PTPRG: variants seen among roughly 807,000 people sequenced by gnomAD.
PTPRG encodes protein tyrosine phosphatase receptor type G.
Under a neutral mutation model 165.3 loss-of-function variants are expected in PTPRG, and 102 were observed. That is an observed-to-expected ratio of 0.62 (90% CI 0.53 to 0.73). The LOEUF is 0.73. Ranked by LOEUF, PTPRG falls within the 30% of genes least tolerant of loss-of-function variation. The pLI is 0.00. For missense variants in PTPRG, 1,866 were observed against 1,861.4 expected (o/e 1.00, Z -0.05); for synonymous variants, 675 against 669.5 (o/e 1.01, Z -0.13).
intron 2 of PTPRG, among the ~76,000 whole-genome samples, chr3:61,895,572 C>T (rs2038334098): frequency 1.3e-5 from 2 of 152,188 alleles, no homozygotes; most frequent in African/African-American, 4.8e-5. Context: ...TGTCTTAAGA[C>T]AGAGTAGGCC....
chr3:62,018,992 A>G (rs2041617641), intron 4 of PTPRG, among the ~76,000 whole-genome samples: 1 of 152,194 alleles, frequency 6.6e-6, no homozygotes, highest in Admixed American at 6.5e-5. Flanking sequence ...AGAAGAAGGA[A>G]TCAACTTGGT....
intron 12 of PTPRG, among the ~76,000 whole-genome samples, chr3:62,204,305 A>G (rs1368320292): frequency 2.0e-5 from 3 of 152,194 alleles, no homozygotes; most frequent in African/African-American, 7.2e-5. Flanking sequence ...TAATGTATCT[A>G]CAAATGGCTA....
intron 4 of PTPRG, among the ~76,000 whole-genome samples, 178 bp from the exon 5 acceptor site, chr3:62,077,985 G>A (rs189763325): frequency 1.4e-5 from 2 of 138,678 alleles, no homozygotes; most frequent in East Asian, 4.2e-4. Flanking sequence ...GCAACAGAGC[G>A]AGACCTTATC....
chr3:61,614,100 C>T (rs1701245987), intron 1 of PTPRG, among the ~76,000 whole-genome samples: 2 of 152,180 alleles, frequency 1.3e-5, no homozygotes, highest in African/African-American at 4.8e-5. Context: ...AATCCAAACT[C>T]TCACCCATGG....
At chr3:61,651,112 G>A (rs563919818) in intron 1 of PTPRG, among the ~76,000 whole-genome samples, 1 of 149,092 alleles carries the variant, frequency 6.7e-6, no homozygotes, top group Non-Finnish European at 1.5e-5. Flanking sequence ...TCAATTACAC[G>A]ATGTATTTGG....
intron 2 of PTPRG, among the ~76,000 whole-genome samples, chr3:61,759,170 T>A (rs1311829986): frequency 1.3e-5 from 2 of 152,196 alleles, no homozygotes; most frequent in Non-Finnish European, 2.9e-5. Flanking sequence ...TGGTTGTCTT[T>A]CTTGCTATTA....
intron 1 of PTPRG, among the ~76,000 whole-genome samples, chr3:61,593,856 C>A (rs1212796028): frequency 6.6e-6 from 1 of 152,124 alleles, no homozygotes; most frequent in African/African-American, 2.4e-5. Flanking sequence ...GACCTCATTT[C>A]TTTCAACCTT....
At chr3:62,147,814 G>A (rs1169493481) in intron 6 of PTPRG, among the ~76,000 whole-genome samples, 1 of 152,156 alleles carries the variant, frequency 6.6e-6, no homozygotes, top group African/African-American at 2.4e-5. Context: ...TGTTGTGGCA[G>A]ACAGTAAACA....
intron 2 of PTPRG, among the ~76,000 whole-genome samples, chr3:61,932,304 C>A (rs774952937): frequency 6.6e-6 from 1 of 152,158 alleles, no homozygotes. Context: ...ATGTGGGCAT[C>A]GGTGTTGAAC....
chr3:62,017,713 C>T (rs960534371), intron 4 of PTPRG, among the ~76,000 whole-genome samples: 19 of 152,114 alleles, frequency 1.2e-4, no homozygotes, highest in African/African-American at 4.3e-4. Flanking sequence ...CGTGAGCCAC[C>T]GCGCCCGGCT....
intron 1 of PTPRG, among the ~76,000 whole-genome samples, chr3:61,567,864 G>T (rs1163721652): frequency 6.7e-6 from 1 of 148,308 alleles, no homozygotes; most frequent in Non-Finnish European, 1.5e-5. Context: ...TGCGCCTGTA[G>T]TTCCAGCTAC....
intron 4 of PTPRG, among the ~76,000 whole-genome samples, chr3:62,062,125 C>T (rs1222324378): frequency 6.6e-6 from 1 of 151,920 alleles, no homozygotes; most frequent in Non-Finnish European, 1.5e-5. Flanking sequence ...CATGGAGAAA[C>T]CCCATCTCTA....
chr3:61,956,057 A>G (rs2040019069), intron 2 of PTPRG, among the ~76,000 whole-genome samples: 1 of 151,460 alleles, frequency 6.6e-6, no homozygotes, highest in Non-Finnish European at 1.5e-5. Flanking sequence ...TTAACCTGAA[A>G]ATGAAAGAGC....
chr3:61,806,590 A>C (rs1553672359), intron 2 of PTPRG, among the ~76,000 whole-genome samples: 1 of 151,768 alleles, frequency 6.6e-6, no homozygotes, highest in Admixed American at 6.6e-5. Flanking sequence ...AGTGAATATC[A>C]TTTTTTTTCT....
At chr3:61,823,484 G>C (rs1377442465) in intron 2 of PTPRG, among the ~76,000 whole-genome samples, 1 of 151,912 alleles carries the variant, frequency 6.6e-6, no homozygotes, top group Non-Finnish European at 1.5e-5. Context: ...ACCAGGCCTG[G>C]CCGCACAGGG....
At chr3:61,768,610 T>G (rs1301763194) in intron 2 of PTPRG, among the ~76,000 whole-genome samples, 1 of 152,230 alleles carries the variant, frequency 6.6e-6, no homozygotes, top group East Asian at 1.9e-4. Context: ...CATGGAAGAT[T>G]GGGAAAGGCC....
intron 2 of PTPRG, among the ~76,000 whole-genome samples, chr3:61,855,346 C>T (rs571133264): frequency 6.6e-6 from 1 of 152,232 alleles, no homozygotes; most frequent in Admixed American, 6.5e-5. Flanking sequence ...GCAGATTGTA[C>T]CTTCAGTGTT....
rs529254246 is a variant in PTPRG at position 62,199,759 on chromosome 3, T to G, written c.1328-1746T>G. Reference sequence around the variant, plus strand: ...CAGTTTATATAGCACTTTTGTTTTTTGAAAGAACCACATAGAAGCAGTTTG... The same window carrying G: ...CAGTTTATATAGCACTTTTGTTTTTGGAAAGAACCACATAGAAGCAGTTTG... On this transcript the variant is annotated intron_variant, in intron 10 of 29. Coordinates refer to ENST00000474889, the MANE Select transcript of PTPRG (RefSeq NM_002841.4). Among the ~76,000 whole-genome samples the G allele has an allele frequency of 2.0e-3, 302 of 152,354 alleles. 1 individual carries two copies. The highest frequency in any genetic ancestry group is 6.9e-3 in the African/African-American group (289 of 41,588).
At chr3:61,767,971 CAAAAAAA>C (rs35466366) in intron 2 of PTPRG, among the ~76,000 whole-genome samples, 1 of 104,162 alleles carries the variant, frequency 9.6e-6, no homozygotes, top group Non-Finnish European at 1.9e-5. Flanking sequence ...GACCCTGTCT[CAAAAAAA>C]AAAAAAAAAA....
Sources: gnomAD v4.1 joint callset for allele counts (sites outside exome capture counted in the v4.1 genomes callset) on GRCh38, gnomAD v4.1.1 for gene constraint, MANE v1.5 for transcripts, NCBI Gene and HGNC (gene_info 2026-07-23, HGNC 2026-07-21) for gene names.